Variants in HS6ST3 observed in about 807,000 individuals in gnomAD.
HS6ST3 encodes the protein heparan sulfate 6-O-sulfotransferase 3, also known as heparan-sulfate 6-O-sulfotransferase 3.
In HS6ST3, 12 loss-of-function variants were observed where a neutral mutation model predicts 36.7. The observed-to-expected ratio is 0.33, with a 90% CI of 0.21 to 0.53. The LOEUF is 0.53. Ranked by LOEUF, HS6ST3 falls within the 20% of genes least tolerant of loss-of-function variation. The pLI, the probability that HS6ST3 is intolerant of heterozygous loss-of-function variation, is 0.95. For missense variants in HS6ST3, 584 were observed against 640.9 expected, an observed-to-expected ratio of 0.91 and a Z score of 0.96; for synonymous variants, 240 against 257.5, an observed-to-expected ratio of 0.93 and a Z score of 0.65.
At chr13:96,570,231 T>C (rs1397142453) in intron 1 of HS6ST3, among the ~76,000 whole-genome samples, 1 of 152,204 alleles carries the variant, frequency 6.6e-6, no homozygotes, top group African/African-American at 2.4e-5. Flanking sequence ...CCTGATTTAA[T>C]TGTGAAATGT....
chr13:96,783,949 G>T (rs1877582143), intron 1 of HS6ST3, among the ~76,000 whole-genome samples: 1 of 152,084 alleles, frequency 6.6e-6, no homozygotes, highest in Non-Finnish European at 1.5e-5. Flanking sequence ...ATACCCTGAA[G>T]AAAGAAATAT....
intron 1 of HS6ST3, among the ~76,000 whole-genome samples, chr13:96,389,634 G>A (rs1219683672): frequency 1.3e-5 from 2 of 151,958 alleles, no homozygotes; most frequent in African/African-American, 2.4e-5. Flanking sequence ...CTACCAAAAG[G>A]CACTATGTAT....
intron 1 of HS6ST3, among the ~76,000 whole-genome samples, chr13:96,320,218 A>G (rs1240094217): frequency 6.6e-6 from 1 of 152,114 alleles, no homozygotes; most frequent in Non-Finnish European, 1.5e-5. Context: ...GATCTTCTAC[A>G]CACTGTTTTA....
At chr13:96,300,557 A>G (rs757427629) in intron 1 of HS6ST3, among the ~76,000 whole-genome samples, 1 of 152,168 alleles carries the variant, frequency 6.6e-6, no homozygotes, top group Non-Finnish European at 1.5e-5. Context: ...TAAATTTACC[A>G]GAACATTTTA....
intron 1 of HS6ST3, among the ~76,000 whole-genome samples, chr13:96,109,205 A>G (rs2053856773): frequency 6.6e-6 from 1 of 152,172 alleles, no homozygotes; most frequent in Admixed American, 6.5e-5. Context: ...GCATTGCCCG[A>G]TACATGAGAT....
chr13:96,137,666 C>T (rs1285436996), intron 1 of HS6ST3, among the ~76,000 whole-genome samples: 2 of 152,002 alleles, frequency 1.3e-5, no homozygotes, highest in African/African-American at 2.4e-5. Flanking sequence ...ACTCCTGACC[C>T]ATGATCCACC....
chr13:96,664,689 A>G (rs1246116322), intron 1 of HS6ST3, among the ~76,000 whole-genome samples: 1 of 152,144 alleles, frequency 6.6e-6, no homozygotes, highest in East Asian at 1.9e-4. Flanking sequence ...ATCTACAACT[A>G]TCTTTCCATC....
chr13:96,705,176 T>C (rs1045904441), intron 1 of HS6ST3, among the ~76,000 whole-genome samples: 1 of 152,200 alleles, frequency 6.6e-6, no homozygotes, highest in African/African-American at 2.4e-5. Flanking sequence ...CTTGGTGTTG[T>C]ACATTCTATG....
chr13:96,115,295 A>AAAACGGGATACAC (rs2053888611), intron 1 of HS6ST3, among the ~76,000 whole-genome samples: 2 of 152,138 alleles, frequency 1.3e-5, no homozygotes, highest in Non-Finnish European at 2.9e-5. Context: ...TTTTACTTTA[A>AAAACGGGATACAC]GTTTCGGGAT....
intron 1 of HS6ST3, among the ~76,000 whole-genome samples, chr13:96,463,812 A>G (rs2055797295): frequency 6.6e-6 from 1 of 152,108 alleles, no homozygotes; most frequent in Admixed American, 6.5e-5. Flanking sequence ...GGCTCACAAC[A>G]TGTGACAAGA....
At chr13:96,609,148 T>G (rs1315862923) in intron 1 of HS6ST3, among the ~76,000 whole-genome samples, 1 of 151,876 alleles carries the variant, frequency 6.6e-6, no homozygotes, top group Non-Finnish European at 1.5e-5. Flanking sequence ...TTTTTTGTAT[T>G]TTTAGTGGAG....
intron 1 of HS6ST3, among the ~76,000 whole-genome samples, chr13:96,820,279 GGTT>G (rs1431821072): frequency 3.9e-5 from 6 of 152,216 alleles, no homozygotes; most frequent in East Asian, 1.9e-4. Context: ...ATTTGCTTTA[GGTT>G]GTTTTTTAAA....
At chr13:96,386,433 G>A (rs992582921) in intron 1 of HS6ST3, among the ~76,000 whole-genome samples, 3 of 151,998 alleles carry the variant, frequency 2.0e-5, no homozygotes, top group Non-Finnish European at 2.9e-5. Flanking sequence ...AGCCTGACAC[G>A]TTCGTTGGAC....
At chr13:96,658,816 G>T (rs368054330) in intron 1 of HS6ST3, among the ~76,000 whole-genome samples, 1 of 149,770 alleles carries the variant, frequency 6.7e-6, no homozygotes, top group Non-Finnish European at 1.5e-5. Context: ...AGCAGTTCTC[G>T]TGCCTCAGCC....
At chr13:96,630,364 C>T (rs879302260) in intron 1 of HS6ST3, among the ~76,000 whole-genome samples, 1 of 152,172 alleles carries the variant, frequency 6.6e-6, no homozygotes, top group Admixed American at 6.5e-5. Flanking sequence ...ACTGGAGACA[C>T]ATTTAATTAT....
At chr13:96,352,455 T>C (rs1003487122) in intron 1 of HS6ST3, among the ~76,000 whole-genome samples, 2 of 152,216 alleles carry the variant, frequency 1.3e-5, no homozygotes, top group African/African-American at 4.8e-5. Flanking sequence ...CTCAAGTGTC[T>C]TTACAGCATG....
chr13:96,661,488 CT>C, intron 1 of HS6ST3, among the ~76,000 whole-genome samples: 1 of 152,124 alleles, frequency 6.6e-6, no homozygotes, highest in African/African-American at 2.4e-5. Context: ...CTGTGAATGT[CT>C]TTACCCATTA....
chr13:96,353,535 T>C (rs1312868631), intron 1 of HS6ST3, among the ~76,000 whole-genome samples: 1 of 151,890 alleles, frequency 6.6e-6, no homozygotes, highest in Non-Finnish European at 1.5e-5. Flanking sequence ...TGAATGAAAG[T>C]ATTAGAAGAA....
chr13:96,592,197 T>C lies in HS6ST3; in HGVS notation c.708-240293T>C, dbSNP rs558203355. ...GTCTTTGACTTTGGTATAAAGGTAA[T>C]ACTATGTCATAACCCATTATTTTAA... is the stretch of plus-strand genomic sequence containing the variant. On this transcript the variant is annotated intron_variant, in intron 1 of 1. Transcript: ENST00000376705. Among the ~76,000 whole-genome samples, 18 of 152,262 alleles carry C rather than the reference T, an allele frequency of 1.2e-4. No homozygotes were observed. The South Asian group carries it at 3.7e-3, about 32-fold the overall frequency.
Sources: allele counts gnomAD v4.1 joint callset (sites outside exome capture counted in the v4.1 genomes callset), GRCh38; gene constraint gnomAD v4.1.1; transcripts MANE v1.5; gene names NCBI Gene and HGNC (gene_info 2026-07-23, HGNC 2026-07-21).